TASOR2: variants seen among roughly 807,000 people sequenced by gnomAD.
The protein encoded by TASOR2 is transcription activation suppressor family member 2.
Under a neutral mutation model 199.5 loss-of-function variants are expected in TASOR2, and 84 were observed. That is an observed-to-expected ratio of 0.42 (90% CI 0.35 to 0.50). The LOEUF (loss-of-function observed/expected upper bound fraction) is 0.50. Ranked by LOEUF, TASOR2 falls within the 20% of genes least tolerant of loss-of-function variation. The pLI is 0.02. For missense variants in TASOR2, 2,796 were observed against 2,835.9 expected, an observed-to-expected ratio of 0.99 and a Z score of 0.32; for synonymous variants, 1,103 against 1,046.6, an observed-to-expected ratio of 1.05 and a Z score of -1.04.
At chr10:5,761,438 C>T in exon 19 of TASOR2, 1 of 1,613,016 alleles carries the variant, frequency 6.2e-7, no homozygotes, top group Non-Finnish European at 8.5e-7. Context: ...GCAAATTCAG[C>T]ATATTGATGC....
Position 5,727,199 on chromosome 10 carries a change from G to C in TASOR2, c.487+76G>C, listed in dbSNP as rs1162620451. ...CCTCATCTGACTTGACCTCTCAGCA[G>C]CACGTGACACTGTTGACTGTTTTTT... is the stretch of plus-strand genomic sequence containing the variant. On this transcript the variant is annotated intron_variant, in intron 10 of 20. Transcript: ENST00000328090. 5.5e-6 allele frequency: 8 copies of C among 1,466,914 alleles called. No homozygotes were observed. In the East Asian group the frequency reaches 1.8e-4, roughly 33 times the overall value. The allele number at this position is 1,466,914 out of a possible 1,614,324, so 90.9% of individuals were successfully genotyped here.
intron 1 of TASOR2, among the ~76,000 whole-genome samples, chr10:5,693,608 A>C (rs1222184699): frequency 2.6e-5 from 4 of 152,204 alleles, no homozygotes. Context: ...TTCAAGACCA[A>C]CCTGGGCAAC....
rs377508616 is a variant in TASOR2 at position 5,739,862 on chromosome 10, A to G, written c.1692A>G (p.Pro564=). ...ATCTTCACTGTTCCTCTGAATTGCC[A>G]CAAAATGATGTTTTGCTCTCTAAAG... is the stretch of plus-strand genomic sequence containing the variant. The change falls in exon 13 of 21, where the codon CCA becomes CCG. Residue 564 remains proline (P), a synonymous_variant. Coordinates refer to ENST00000328090, the Ensembl canonical transcript of TASOR2. 26 of 1,614,226 alleles carry G rather than the reference A, an allele frequency of 1.6e-5. No homozygotes were observed. The African/African-American group carries it at 3.2e-4, about 20-fold the overall frequency.
exon 19 of TASOR2, chr10:5,761,345 A>T (rs764700690): frequency 6.2e-7 from 1 of 1,613,998 alleles, no homozygotes; most frequent in Non-Finnish European, 8.5e-7. Flanking sequence ...TCAGAGTGCA[A>T]ATATCATTGA....
At chr10:5,739,503 T>C in intron 12 of TASOR2, 115 bp from the exon 14 acceptor site, 4 of 964,312 alleles carry the variant, frequency 4.1e-6, no homozygotes, top group South Asian at 3.5e-5. Context: ...TAATATGCAA[T>C]ATATGTTACA....
chr10:5,745,702 C>A (rs941654013), intron 14 of TASOR2, among the ~76,000 whole-genome samples: 1 of 151,928 alleles, frequency 6.6e-6, no homozygotes, highest in Non-Finnish European at 1.5e-5. Flanking sequence ...TCACTTAAAC[C>A]CGGGAGGCAG....
chr10:5,762,656 CTTT>C lies in TASOR2; in HGVS notation c.7289+13_7289+15del, dbSNP rs765479959. ...TTAGGAGTAGCTATTGGTAAGAACACTTTTTATGTAACTTTCCCATGTGAGTTG... is the reference window on the plus strand; with the variant it reads ...TTAGGAGTAGCTATTGGTAAGAACACTTATGTAACTTTCCCATGTGAGTTG... On this transcript the variant is annotated intron_variant, in intron 20 of 20. Transcript: ENST00000328090. 7 of 1,226,646 alleles carry C rather than the reference CTTT, an allele frequency of 5.7e-6. No homozygotes were observed. In the South Asian group the frequency reaches 9.3e-5, roughly 16 times the overall value. The allele number at this position is 1,226,646 out of a possible 1,614,324, so 76.0% of individuals were successfully genotyped here. A position where few individuals can be genotyped will look rare whatever the true frequency, so the allele number is the denominator to read the frequency against.
In TASOR2 at chr10:5,722,018, C is replaced by T. The variant is rs1001847443; in HGVS notation, c.146+1048C>T. On this transcript the variant is annotated intron_variant, in intron 6 of 20. Transcript: ENST00000328090. The surrounding 1 kb of genome is among the most constrained non-coding windows in gnomAD (Gnocchi z 4.0). ...GTGATTACTGAATGCATTGTGGCAT[C>T]TTGGATTGGAAATTGTTTTCTTTTT... 6.6e-6 allele frequency among the ~76,000 whole-genome samples: 1 copy of T among 152,168 alleles called. No homozygotes were observed. The highest frequency in any genetic ancestry group is 6.5e-5 in the Admixed American group (1 of 15,280).
exon 15 of TASOR2, chr10:5,747,662 C>T: frequency 6.2e-7 from 1 of 1,614,180 alleles, no homozygotes; most frequent in Non-Finnish European, 8.5e-7. Context: ...GTTAAAGAGA[C>T]ACGACCATAT....
Position 5,762,520 on chromosome 10 carries a change from T to C in TASOR2, c.7175-12T>C. 1.6e-6 allele frequency: 1 copy of C among 615,332 alleles called. No individual in the cohort carries two copies. Among genetic ancestry groups the C allele is most frequent in the Non-Finnish European group, 2.5e-6 (1 of 396,040 alleles). 38.1% of individuals were successfully genotyped at this position (615,332 alleles called of 1,614,324 possible). On this transcript the variant is annotated splice_polypyrimidine_tract_variant and intron_variant, in intron 19 of 20. Transcript: ENST00000328090. ...ATATTAACCAAAAGTTGTTTTTTTT[T>C]TTTTTTAACAGACAAGCCTACTATC...
chr10:5,716,562 A>G (rs997934901), intron 2 of TASOR2, among the ~76,000 whole-genome samples: 1 of 152,098 alleles, frequency 6.6e-6, no homozygotes, highest in African/African-American at 2.4e-5. Flanking sequence ...TGAAAAATTC[A>G]GACATAAAAG....
At chr10:5,759,493 G>A (rs986829281) in intron 18 of TASOR2, among the ~76,000 whole-genome samples, 15 of 152,238 alleles carry the variant, frequency 9.9e-5, no homozygotes, top group Admixed American at 2.0e-4. Flanking sequence ...CTGGGGCTGA[G>A]AGATTCCTCC....
In TASOR2 at chr10:5,740,118, G is replaced by T. The variant is rs374964155; in HGVS notation, c.1948G>T (p.Val650Phe). 1.9e-6 allele frequency: 3 copies of T among 1,614,006 alleles called. No homozygotes were observed. Residue 650 changes from valine (V) to phenylalanine (F), a missense_variant, in exon 13 of 21, where the codon GTT (valine) becomes TTT (phenylalanine). Val to Phe is a conservative substitution (Grantham distance 50). This residue lies in a region of TASOR2 where 847 missense variants were observed against 887.4 expected (regional missense o/e 0.95). Transcript: ENST00000328090. The surrounding 1 kb of genome is among the most constrained non-coding windows in gnomAD (Gnocchi z 5.3). ...TTCAGATGCAAGCCAAAGCTCTTCT[G>T]TTTCTGTGGAACATTCATATGCCCT...
chr10:5,733,940 G>C (rs1835203360), intron 11 of TASOR2, among the ~76,000 whole-genome samples: 1 of 152,134 alleles, frequency 6.6e-6, no homozygotes, highest in South Asian at 2.1e-4. Context: ...ACAGCATTAA[G>C]ATATTCTGAA....
Position 5,748,614 on chromosome 10 carries a change from C to T in TASOR2, c.5193C>T (p.His1731=). ...TAAAAGGTGAACGCAAAGCCATCCA[C>T]ACGCTGCAAGATGTGTCAACATGTG... The change falls in exon 15 of 21, where the codon CAC becomes CAT. Residue 1731 remains histidine, a synonymous_variant. Transcript: ENST00000328090. This position sits in a 1 kb window ranked among gnomAD's most constrained non-coding sequence, Gnocchi z 5.1. 6.2e-7 allele frequency: 1 copy of T among 1,614,116 alleles called. No individual in the cohort carries two copies. Among genetic ancestry groups the T allele is most frequent in the Middle Eastern group, 1.6e-4 (1 of 6,062 alleles).
chr10:5,759,209 G>C (rs1325398173), intron 18 of TASOR2, among the ~76,000 whole-genome samples: 2 of 152,166 alleles, frequency 1.3e-5, no homozygotes, highest in Non-Finnish European at 2.9e-5. Context: ...AGAAGTAAGG[G>C]AGTCAAACTT....
chr10:5,693,849 T>G (rs989762504), intron 1 of TASOR2, among the ~76,000 whole-genome samples: 3 of 152,264 alleles, frequency 2.0e-5, no homozygotes, highest in African/African-American at 7.2e-5. Context: ...ACTGTGGTGC[T>G]AGGAGCTCTG....
rs572709373 is a variant in TASOR2 at position 5,718,611 on chromosome 10, T to C, written c.-100+861T>C. ...TTTTATACTAAAAGTATAAAAAAAT[T>C]AGCCTGACGTGGTGGCGGGTGCCTG... On this transcript the variant is annotated intron_variant, in intron 3 of 20. Transcript: ENST00000328090. Among the ~76,000 whole-genome samples the C allele has an allele frequency of 1.3e-3, 200 of 151,986 alleles. 1 individual carries two copies. Among genetic ancestry groups the C allele is most frequent in the Admixed American group, 2.8e-3 (42 of 15,266 alleles).
chr10:5,696,036 C>G (rs1483171152), intron 1 of TASOR2, among the ~76,000 whole-genome samples: 4 of 152,184 alleles, frequency 2.6e-5, no homozygotes, highest in Non-Finnish European at 4.4e-5. Flanking sequence ...AGGTTTATAC[C>G]CAGGAGACTA....
Sources: allele counts gnomAD v4.1 joint callset (sites outside exome capture counted in the v4.1 genomes callset), GRCh38; gene constraint gnomAD v4.1.1; regional missense constraint gnomAD v4.1.1; non-coding constraint Gnocchi (gnomAD v3.1); transcripts MANE v1.5; gene names NCBI Gene and HGNC (gene_info 2026-07-23, HGNC 2026-07-21).